ERC1: variants seen among roughly 807,000 people sequenced by gnomAD.
ERC1 encodes ELKS/RAB6-interacting/CAST family member 1.
ERC1 carries 56 observed loss-of-function variants against 132.0 expected under a neutral mutation model. That is an observed-to-expected ratio of 0.42 (90% CI 0.34 to 0.53). The LOEUF (loss-of-function observed/expected upper bound fraction) is 0.53. Among genes scored for constraint, ERC1 ranks in the 20% least tolerant of loss-of-function variants. The pLI, the probability that ERC1 is intolerant of heterozygous loss-of-function variation, is 0.03. For synonymous variants in ERC1, 478 were observed against 476.1 expected, an observed-to-expected ratio of 1.00 and a Z score of -0.05; for missense variants, 1,202 against 1,349.9, an observed-to-expected ratio of 0.89 and a Z score of 1.72.
intron 8 of ERC1, among the ~76,000 whole-genome samples, chr12:1,157,470 G>A (rs1951512777): frequency 6.6e-6 from 1 of 152,166 alleles, no homozygotes; most frequent in Non-Finnish European, 1.5e-5. Flanking sequence ...TCAGTTTTAT[G>A]TTTTTACATG....
rs142688207 is a variant in ERC1 at position 1,194,358 on chromosome 12, T to C, written c.2351+4306T>C. On this transcript the variant is annotated intron_variant, in intron 12 of 18. Coordinates refer to ENST00000360905, the MANE Select transcript of ERC1 (RefSeq NM_178040.4). Reference sequence around the variant, plus strand: ...ATCGCTTGAACTCAGGAGGTGGAGGTTGCAGTGAGCCAAGATCATGCCATC... The same window carrying C: ...ATCGCTTGAACTCAGGAGGTGGAGGCTGCAGTGAGCCAAGATCATGCCATC... 3.5e-3 allele frequency among the ~76,000 whole-genome samples: 537 copies of C among 152,042 alleles called. 3 individuals carry two copies. Among genetic ancestry groups the C allele is most frequent in the African/African-American group, 0.012 (512 of 41,468 alleles).
intron 14 of ERC1, among the ~76,000 whole-genome samples, chr12:1,288,748 A>T (rs1048550820): frequency 1.3e-5 from 2 of 152,194 alleles, no homozygotes; most frequent in African/African-American, 2.4e-5. Flanking sequence ...TCTACTTCTG[A>T]AAAGACTGGT....
intron 16 of ERC1, among the ~76,000 whole-genome samples, chr12:1,379,819 C>G (rs1179559716): frequency 6.6e-6 from 1 of 152,136 alleles, no homozygotes; most frequent in Non-Finnish European, 1.5e-5. Context: ...ACCATCACTT[C>G]TGCCTTATTC....
intron 16 of ERC1, among the ~76,000 whole-genome samples, chr12:1,381,505 G>A (rs1168030857): frequency 1.3e-5 from 2 of 151,554 alleles, no homozygotes; most frequent in African/African-American, 4.8e-5. Context: ...GTCCTCAATG[G>A]CCTCTATTGA....
Position 1,495,291 on chromosome 12 carries a change from A to C in ERC1, c.*5061A>C, listed in dbSNP as rs1250873729. On this transcript the variant is annotated 3_prime_UTR_variant, in exon 19 of 19. Coordinates refer to ENST00000360905, the MANE Select transcript of ERC1 (RefSeq NM_178040.4). ...ATCCAGGTGGAACAGACTGTCCTCC[A>C]TGTCAGTTCCTTCTGGCTTCAGGCC... The C allele has an allele frequency of 4.4e-6, 1 of 229,384 alleles. No homozygotes were observed. The highest frequency in any genetic ancestry group is 8.6e-6 in the Non-Finnish European group (1 of 115,690). The allele number at this position is 229,384 out of a possible 1,614,324, so 14.2% of individuals were successfully genotyped here. A position where few individuals can be genotyped will look rare whatever the true frequency, so the allele number is the denominator to read the frequency against.
chr12:1,404,050 C>G (rs985357481), intron 16 of ERC1, among the ~76,000 whole-genome samples: 9 of 152,196 alleles, frequency 5.9e-5, no homozygotes, highest in Admixed American at 1.3e-4. Context: ...TCAAGATTGT[C>G]TTAGTCCATT....
intron 1 of ERC1, among the ~76,000 whole-genome samples, chr12:1,026,193 C>T (rs866190230): frequency 1.3e-5 from 2 of 152,036 alleles, no homozygotes; most frequent in Admixed American, 6.6e-5. Context: ...TCTTACATGG[C>T]GACAGGCAAG....
intron 18 of ERC1, among the ~76,000 whole-genome samples, chr12:1,471,842 T>C (rs938927420): frequency 2.6e-5 from 4 of 152,224 alleles, no homozygotes; most frequent in Non-Finnish European, 5.9e-5. Flanking sequence ...TTTTTCTCCA[T>C]GGAGAGCTTG....
At chr12:1,243,461 A>G (rs1255727571) in intron 13 of ERC1, among the ~76,000 whole-genome samples, 1 of 151,928 alleles carries the variant, frequency 6.6e-6, no homozygotes, top group Non-Finnish European at 1.5e-5. Context: ...GTAGGGATGT[A>G]ATGAAACGTG....
chr12:1,004,285 G>A (rs189982177), intron 1 of ERC1, among the ~76,000 whole-genome samples: 1 of 151,604 alleles, frequency 6.6e-6, no homozygotes. Context: ...AATGTGTCCA[G>A]TGTGTTTCGT....
intron 3 of ERC1, 48 bp from the exon 4 acceptor site, chr12:1,104,702 G>T: frequency 7.5e-7 from 1 of 1,332,092 alleles, no homozygotes; most frequent in Non-Finnish European, 1.1e-6. Flanking sequence ...TGAAAAAAAT[G>T]AGGGTGAACA....
chr12:1,125,296 A>G (rs969551925), intron 7 of ERC1, among the ~76,000 whole-genome samples: 2 of 151,930 alleles, frequency 1.3e-5, no homozygotes, highest in Non-Finnish European at 2.9e-5. Context: ...GCCCAGCCCA[A>G]TATTTGATAT....
intron 7 of ERC1, among the ~76,000 whole-genome samples, chr12:1,128,100 G>A (rs937127178): frequency 6.6e-6 from 1 of 152,188 alleles, no homozygotes; most frequent in South Asian, 2.1e-4. Flanking sequence ...AACCTAGTAC[G>A]TGTAGATTCC....
At position 1,273,068 on chromosome 12, in the gene ERC1, T is replaced by G. The variant is rs76619886; in HGVS notation, c.2619+9903T>G. On this transcript the variant is annotated intron_variant, in intron 14 of 18. Coordinates refer to ENST00000360905, the MANE Select transcript of ERC1 (RefSeq NM_178040.4). ...TTACTAAGCCAGATGTTCTATAGTT[T>G]CCAGAAGGAAGGGAGGGAGGGGAAA... Among the ~76,000 whole-genome samples the G allele has an allele frequency of 6.6e-3, 997 of 152,206 alleles. 10 individuals are homozygous for G. Among genetic ancestry groups the G allele is most frequent in the African/African-American group, 0.022 (933 of 41,528 alleles).
At chr12:1,238,438 G>A (rs2075573636) in intron 13 of ERC1, among the ~76,000 whole-genome samples, 1 of 151,862 alleles carries the variant, frequency 6.6e-6, no homozygotes, top group Admixed American at 6.6e-5. Context: ...AATTCATTTT[G>A]TGGTATTTGT....
At chr12:1,446,704 G>A (rs1046565924) in intron 18 of ERC1, among the ~76,000 whole-genome samples, 1 of 152,192 alleles carries the variant, frequency 6.6e-6, no homozygotes, top group African/African-American at 2.4e-5. Flanking sequence ...CCGTGATGTG[G>A]ATGTTGCCTA....
chr12:1,444,429 G>A (rs765018189), intron 17 of ERC1, 133 bp from the exon 18 acceptor site: 1 of 608,064 alleles, frequency 1.6e-6, no homozygotes, highest in Non-Finnish European at 2.8e-6. Context: ...GATTTCAGTA[G>A]TGATTAGAAG....
intron 16 of ERC1, among the ~76,000 whole-genome samples, chr12:1,399,496 C>G (rs11061750): frequency 0.3 from 45,233 of 152,008 alleles, 6,923 homozygotes; most frequent in Middle Eastern, 0.35. Context: ...AATACATTTT[C>G]ACAAATTGAA....
intron 17 of ERC1, among the ~76,000 whole-genome samples, chr12:1,442,492 G>A (rs1214193735): frequency 2.0e-5 from 3 of 151,822 alleles, no homozygotes; most frequent in Non-Finnish European, 4.4e-5. Context: ...TTTATCCTTA[G>A]AGAGAGAGAG....
Sources: allele counts gnomAD v4.1 joint callset (sites outside exome capture counted in the v4.1 genomes callset), GRCh38; gene constraint gnomAD v4.1.1; transcripts MANE v1.5; gene names NCBI Gene and HGNC (gene_info 2026-07-23, HGNC 2026-07-21).